RAP1GAP2: variants seen among roughly 807,000 people sequenced by gnomAD.
RAP1GAP2 encodes the protein rap1 GTPase-activating protein 2.
A neutral mutation model predicts 95.0 loss-of-function variants in RAP1GAP2; 27 were observed. The observed-to-expected ratio is 0.28, with a 90% confidence interval of 0.21 to 0.39. The LOEUF (loss-of-function observed/expected upper bound fraction) is 0.39, where lower values mean the gene tolerates loss of function less well. Ranked by LOEUF, RAP1GAP2 falls within the 10% of genes least tolerant of loss-of-function variation. The probability of loss-of-function intolerance (pLI) is 1.00; values close to 1 mark genes in which losing one functional copy is unlikely to be tolerated. For missense variants in RAP1GAP2, 771 were observed against 970.0 expected (o/e 0.79, Z 2.72); for synonymous variants, 373 against 380.9 (o/e 0.98, Z 0.24).
In RAP1GAP2 at chr17:2,796,892, G is replaced by A. The variant is rs150119384; in HGVS notation, c.44+321G>A. ...CGCAGGTTCCCATGTATGTGTGTGC[G>A]TGTCTGGGATTATGTGTAAGTGTGT... On this transcript the variant is annotated intron_variant, in intron 1 of 24. Coordinates refer to ENST00000254695, the MANE Select transcript of RAP1GAP2 (RefSeq NM_015085.5). The surrounding 1 kb of genome is among the most constrained non-coding windows in gnomAD (Gnocchi z 4.7). 2.9e-4 allele frequency among the ~76,000 whole-genome samples: 44 copies of A among 152,208 alleles called. No homozygotes were observed. The highest frequency in any genetic ancestry group is 5.8e-4 in the East Asian group (3 of 5,186).
chr17:3,030,629 T>C lies in RAP1GAP2; in HGVS notation c.2108-293T>C, dbSNP rs571711926. On this transcript the variant is annotated intron_variant, in intron 22 of 24. Transcript: ENST00000254695. ...CAGATAATCGTAAAACAGAGAAAAA[T>C]AAGTAGGAAGTGACGAATTTCAAGT... Among the ~76,000 whole-genome samples the C allele has an allele frequency of 2.6e-4, 39 of 152,204 alleles. No homozygotes were observed. The South Asian group carries it at 7.2e-3, about 28-fold the overall frequency.
At chr17:2,820,285 T>C (rs1412075108) in intron 2 of RAP1GAP2, among the ~76,000 whole-genome samples, 1 of 152,112 alleles carries the variant, frequency 6.6e-6, no homozygotes, top group East Asian at 1.9e-4. Flanking sequence ...GAGGTGGGGC[T>C]GTTGGGTCGC....
rs1472027908 is a variant in RAP1GAP2 at position 3,003,262 on chromosome 17, T to A, written c.1201-2107T>A. On this transcript the variant is annotated intron_variant, in intron 14 of 24. Coordinates refer to ENST00000254695, the MANE Select transcript of RAP1GAP2 (RefSeq NM_015085.5). The surrounding 1 kb of genome is among the most constrained non-coding windows in gnomAD (Gnocchi z 4.1). ...GAGAAATTGGCTCCACGGAGTCGGG[T>A]GTGCACGAAGCATCACTCTGGATTA... 2.6e-5 allele frequency among the ~76,000 whole-genome samples: 4 copies of A among 152,050 alleles called. No individual in the cohort carries two copies. Among genetic ancestry groups the A allele is most frequent in the Non-Finnish European group, 5.9e-5 (4 of 68,006 alleles).
chr17:2,958,851 G>C lies in RAP1GAP2; in HGVS notation c.201+1057G>C, dbSNP rs184595585. 5.1e-3 allele frequency among the ~76,000 whole-genome samples: 783 copies of C among 152,222 alleles called. 4 individuals are homozygous for C. Among genetic ancestry groups the C allele is most frequent in the African/African-American group, 0.017 (718 of 41,538 alleles). ...AGCCAGGTGTCCCTGAGGGTGGGGA[G>C]GGAGGGGAGACGCTGTTTGAAGGGA... On this transcript the variant is annotated intron_variant, in intron 4 of 24. Transcript: ENST00000254695.
At chr17:3,022,461 A>G (rs1331450090) in intron 19 of RAP1GAP2, among the ~76,000 whole-genome samples, 1 of 152,212 alleles carries the variant, frequency 6.6e-6, no homozygotes, top group Non-Finnish European at 1.5e-5. Flanking sequence ...AAAAGTTTAC[A>G]TTTACATTTC....
At chr17:2,880,072 G>GC (rs747207436) in intron 2 of RAP1GAP2, among the ~76,000 whole-genome samples, 31 of 152,122 alleles carry the variant, frequency 2.0e-4, no homozygotes, top group Admixed American at 9.2e-4. Context: ...GGGGCTGGGA[G>GC]CAGGGGGCTG....
chr17:2,853,170 G>C (rs909679929), intron 2 of RAP1GAP2, among the ~76,000 whole-genome samples: 1 of 152,116 alleles, frequency 6.6e-6, no homozygotes, highest in Non-Finnish European at 1.5e-5. Context: ...CCGACTCTGC[G>C]GGGAGGCGGG....
chr17:2,929,136 G>A (rs748122008), intron 3 of RAP1GAP2, among the ~76,000 whole-genome samples: 1 of 152,218 alleles, frequency 6.6e-6, no homozygotes, highest in African/African-American at 2.4e-5. Flanking sequence ...GGGAGGCTGA[G>A]GCGGGAGGAT....
At chr17:2,921,266 C>G (rs2042760378) in intron 3 of RAP1GAP2, among the ~76,000 whole-genome samples, 1 of 151,806 alleles carries the variant, frequency 6.6e-6, no homozygotes. Flanking sequence ...GTGGCGTGAT[C>G]TTGGCTCACT....
intron 2 of RAP1GAP2, among the ~76,000 whole-genome samples, chr17:2,887,877 T>C (rs1439627320): frequency 1.3e-5 from 2 of 151,872 alleles, no homozygotes; most frequent in African/African-American, 4.8e-5. Context: ...TTTCACCATG[T>C]TGGGCAGGCT....
At chr17:2,913,690 T>G (rs1403651389) in intron 3 of RAP1GAP2, among the ~76,000 whole-genome samples, 1 of 152,220 alleles carries the variant, frequency 6.6e-6, no homozygotes, top group Admixed American at 6.5e-5. Context: ...GCGTAAGTCT[T>G]AATTGTATTG....
chr17:2,814,650 CTGTT>C (rs895277216), intron 2 of RAP1GAP2, among the ~76,000 whole-genome samples: 5 of 152,076 alleles, frequency 3.3e-5, no homozygotes, highest in Non-Finnish European at 7.4e-5. Context: ...GGCTGTCTCA[CTGTT>C]TGTTACCCAG....
intron 8 of RAP1GAP2, among the ~76,000 whole-genome samples, chr17:2,970,794 C>G (rs1267471077): frequency 6.6e-6 from 1 of 152,032 alleles, no homozygotes; most frequent in Non-Finnish European, 1.5e-5. Flanking sequence ...AATCCTAGCA[C>G]TTTGGGAGGC....
chr17:2,860,177 G>A (rs573069495), intron 2 of RAP1GAP2, among the ~76,000 whole-genome samples: 1 of 152,110 alleles, frequency 6.6e-6, no homozygotes, highest in African/African-American at 2.4e-5. Flanking sequence ...GACAGGAGCC[G>A]ATCCACTCCC....
rs368256882 is a variant in RAP1GAP2 at position 2,779,745 on chromosome 17, G to T, written c.-14+2467G>T. On this transcript the variant is annotated intron_variant, in intron 1 of 24. Transcript: ENST00000540393. The stretch of plus-strand genomic sequence containing the variant: ...TTCTGGCATTGGGAGCTGGCATACG[G>T]TCATGGGCATGGGTCTGGGCCATAG... Among the ~76,000 whole-genome samples, 86 of 149,232 alleles carry T rather than the reference G, an allele frequency of 5.8e-4. 1 individual carries two copies. Among genetic ancestry groups the T allele is most frequent in the Middle Eastern group, 6.9e-3 (2 of 288 alleles).
rs1055403054 is a variant in RAP1GAP2, at chr17:3,029,526, C to T, written c.2108-1396C>T. Among the ~76,000 whole-genome samples the T allele has an allele frequency of 4.6e-5, 7 of 152,086 alleles. No homozygotes were observed. Among genetic ancestry groups the T allele is most frequent in the Non-Finnish European group, 8.8e-5 (6 of 68,004 alleles). The stretch of plus-strand genomic sequence containing the variant: ...GGTGGAGTGGGGAGAGGTGGCCTGA[C>T]GTCCTGACGTACAGTCTCCATAATG... On this transcript the variant is annotated intron_variant, in intron 22 of 24. Coordinates refer to ENST00000254695, the MANE Select transcript of RAP1GAP2 (RefSeq NM_015085.5). This position sits in a 1 kb window ranked among gnomAD's most constrained non-coding sequence, Gnocchi z 4.4.
chr17:3,020,741 C>T (rs2046932583), intron 19 of RAP1GAP2, 146 bp downstream of exon 19: 3 of 679,618 alleles, frequency 4.4e-6, no homozygotes, highest in Non-Finnish European at 7.6e-6. Flanking sequence ...CCTGTGTGTC[C>T]CCTGTCACTC....
chr17:2,802,426 G>A (rs888721935), intron 2 of RAP1GAP2, among the ~76,000 whole-genome samples: 3 of 152,324 alleles, frequency 2.0e-5, no homozygotes, highest in Middle Eastern at 3.4e-3. Flanking sequence ...CTGATGCCAG[G>A]AAGCTGGATG....
chr17:2,848,658 C>T (rs554893596), intron 2 of RAP1GAP2, among the ~76,000 whole-genome samples: 13 of 152,158 alleles, frequency 8.5e-5, no homozygotes, highest in Admixed American at 1.3e-4. Flanking sequence ...GTATTCCAAG[C>T]GCCCGCCACC....
Sources: allele counts gnomAD v4.1 joint callset (sites outside exome capture counted in the v4.1 genomes callset), GRCh38; gene constraint gnomAD v4.1.1; non-coding constraint Gnocchi (gnomAD v3.1); transcripts MANE v1.5; gene names NCBI Gene and HGNC (gene_info 2026-07-23, HGNC 2026-07-21).